ETS1: variants seen among roughly 807,000 people sequenced by gnomAD.
ETS1 encodes the protein ETS proto-oncogene 1, transcription factor.
Under a neutral mutation model 58.6 loss-of-function variants are expected in ETS1, and 15 were observed. The ratio of observed to expected loss-of-function variants is 0.26; its 90% CI spans 0.17 to 0.39. The LOEUF is 0.39. Ranked by LOEUF, ETS1 falls within the 10% of genes least tolerant of loss-of-function variation. ETS1 has a pLI of 1.00. For synonymous variants in ETS1, 214 were observed against 218.2 expected (o/e 0.98, Z 0.17); for missense variants, 417 against 610.5 (o/e 0.68, Z 3.34).
chr11:128,483,124 G>A (rs906795709), intron 7 of ETS1, among the ~76,000 whole-genome samples: 2 of 152,176 alleles, frequency 1.3e-5, no homozygotes, highest in African/African-American at 4.8e-5. Context: ...TGCACAAAAT[G>A]GTCTTCCCCT....
At chr11:128,491,317 G>T (rs1366524087) in intron 3 of ETS1, among the ~76,000 whole-genome samples, 1 of 152,216 alleles carries the variant, frequency 6.6e-6, no homozygotes, top group Admixed American at 6.5e-5. Flanking sequence ...CTAGCTATCT[G>T]ATTCTTGCAG....
chr11:128,473,690 G>A (rs918251260), intron 8 of ETS1, among the ~76,000 whole-genome samples: 4 of 152,188 alleles, frequency 2.6e-5, no homozygotes, highest in Admixed American at 2.6e-4. Flanking sequence ...CCAACCTGCA[G>A]GCATCACATG....
intron 8 of ETS1, among the ~76,000 whole-genome samples, chr11:128,476,960 T>C (rs946769849): frequency 1.3e-5 from 2 of 152,262 alleles, no homozygotes; most frequent in Non-Finnish European, 2.9e-5. Context: ...GGGAGCCCAG[T>C]GAAGGTTGAT....
chr11:128,540,137 C>T (rs1039729768), intron 3 of ETS1, among the ~76,000 whole-genome samples: 2 of 152,030 alleles, frequency 1.3e-5, no homozygotes, highest in Non-Finnish European at 2.9e-5. Context: ...CATGGTGAAA[C>T]CTTGTCTCTA....
intron 3 of ETS1, among the ~76,000 whole-genome samples, chr11:128,493,608 G>C (rs761714704): frequency 1.3e-5 from 2 of 152,226 alleles, no homozygotes; most frequent in African/African-American, 4.8e-5. Flanking sequence ...ATTTGGACTT[G>C]ATCAGCTCCA....
chr11:128,585,062 AAGAAAGAAAGAAAG>A (rs1319350584), intron 1 of ETS1, among the ~76,000 whole-genome samples: 1 of 25,374 alleles, frequency 3.9e-5, no homozygotes, highest in Non-Finnish European at 6.7e-5. Flanking sequence ...GAAAGAAAGA[AAGAAAGAAAGAAAG>A]AGAAAGAAAG....
intron 4 of ETS1, among the ~76,000 whole-genome samples, chr11:128,490,213 G>T (rs1233381789): frequency 6.6e-6 from 1 of 152,186 alleles, no homozygotes; most frequent in African/African-American, 2.4e-5. Flanking sequence ...ATCCAGAAGT[G>T]ATTCTAGTGT....
At chr11:128,584,541 G>A (rs143293490) in intron 1 of ETS1, among the ~76,000 whole-genome samples, 27 of 152,334 alleles carry the variant, frequency 1.8e-4, no homozygotes, top group African/African-American at 5.5e-4. Context: ...TAGCAAGGAT[G>A]TTGGAACATA....
intron 1 of ETS1, among the ~76,000 whole-genome samples, chr11:128,585,019 A>AG (rs1420328808): frequency 9.1e-5 from 2 of 22,084 alleles, no homozygotes; most frequent in East Asian, 1.8e-3. Flanking sequence ...AAGGAAAGAA[A>AG]GAAGAAAGAA....
intron 2 of ETS1, among the ~76,000 whole-genome samples, chr11:128,569,966 G>A (rs1052896109): frequency 1.3e-5 from 2 of 152,236 alleles, no homozygotes; most frequent in South Asian, 2.1e-4. Context: ...GGGAGTAAAC[G>A]GATTATTTGG....
At chr11:128,542,850 C>A (rs1035985566) in intron 3 of ETS1, among the ~76,000 whole-genome samples, 8 of 152,116 alleles carry the variant, frequency 5.3e-5, no homozygotes, top group Non-Finnish European at 1.0e-4. Flanking sequence ...CACCAAAATG[C>A]CTTTCCTCCC....
chr11:128,505,288 T>C (rs1342344906), intron 3 of ETS1: 3 of 152,208 alleles, frequency 2.0e-5, no homozygotes, highest in East Asian at 1.9e-4. Context: ...CAGAACTTAA[T>C]ATCAGGGGCA....
At chr11:128,483,164 G>A (rs1057144102) in intron 7 of ETS1, among the ~76,000 whole-genome samples, 8 of 152,206 alleles carry the variant, frequency 5.3e-5, no homozygotes, top group African/African-American at 1.9e-4. Context: ...CTTGGAGGGA[G>A]GGAAGAAGAG....
rs76990431 is a variant in ETS1 at position 128,463,314 on chromosome 11, G to T, written c.1242+195C>A. On this transcript the variant is annotated intron_variant, in intron 9 of 9. Transcript: ENST00000392668. This position sits in a 1 kb window ranked among gnomAD's most constrained non-coding sequence, Gnocchi z 4.1. ...CAGCTAATCCTGTAAGACAAATGGG[G>T]TAACATAGATCTTTTCTCTATTTTC... Among the ~76,000 whole-genome samples, 2,036 of 152,272 alleles carry T rather than the reference G, an allele frequency of 0.013. 35 individuals are homozygous for T. The highest frequency in any genetic ancestry group is 0.045 in the African/African-American group (1,888 of 41,532).
chr11:128,502,459 G>A (rs143891039), intron 3 of ETS1, among the ~76,000 whole-genome samples: 1 of 152,192 alleles, frequency 6.6e-6, no homozygotes, highest in African/African-American at 2.4e-5. Context: ...TATGGTTTCT[G>A]AAACAACAGT....
intron 1 of ETS1, among the ~76,000 whole-genome samples, chr11:128,573,429 G>A (rs1864679627): frequency 6.6e-6 from 1 of 152,192 alleles, no homozygotes; most frequent in Non-Finnish European, 1.5e-5. Context: ...CAGTGCACAA[G>A]AGGCACATTT....
intron 1 of ETS1, among the ~76,000 whole-genome samples, chr11:128,576,897 A>T (rs1864762371): frequency 6.6e-6 from 1 of 152,156 alleles, no homozygotes; most frequent in Admixed American, 6.5e-5. Context: ...AGGTTATTGC[A>T]GCCTGGAATC....
chr11:128,532,088 T>G (rs1565399680), intron 3 of ETS1, among the ~76,000 whole-genome samples: 1 of 152,190 alleles, frequency 6.6e-6, no homozygotes, highest in Non-Finnish European at 1.5e-5. Flanking sequence ...ATGAACGGTT[T>G]AACTTGTGCT....
At chr11:128,557,630 G>A (rs528397733) in intron 2 of ETS1, among the ~76,000 whole-genome samples, 5 of 152,138 alleles carry the variant, frequency 3.3e-5, no homozygotes, top group African/African-American at 1.2e-4. Flanking sequence ...CTGAGACCAG[G>A]ATTCTAATCG....
Sources: gnomAD v4.1 joint callset for allele counts (sites outside exome capture counted in the v4.1 genomes callset) on GRCh38, gnomAD v4.1.1 for gene constraint, Gnocchi (gnomAD v3.1) non-coding constraint, MANE v1.5 for transcripts, NCBI Gene and HGNC (gene_info 2026-07-23, HGNC 2026-07-21) for gene names.